The following TIAM2 variants were observed in gnomAD, a reference collection of about 807,000 sequenced individuals.
TIAM2 encodes the protein rho guanine nucleotide exchange factor TIAM2.
Under a neutral mutation model 152.9 loss-of-function variants are expected in TIAM2, and 80 were observed. The ratio of observed to expected loss-of-function variants is 0.52; its 90% CI spans 0.44 to 0.63. TIAM2 has a LOEUF of 0.63. TIAM2 is among the 30% of genes least tolerant of loss of function. TIAM2 has a pLI of 0.00. For missense variants in TIAM2, 1,965 were observed against 2,120.1 expected (o/e 0.93, Z 1.44); for synonymous variants, 804 against 838.0 (o/e 0.96, Z 0.70).
At position 155,257,268 on chromosome 6, in the gene TIAM2, T is replaced by C. The variant is rs1784119916; in HGVS notation, c.*147T>C. ...TTTTCCCACAAAATGGTTGTAAAGA[T>C]TTAAGTTATTTTAATTTATTGTGGA... On this transcript the variant is annotated 3_prime_UTR_variant, in exon 27 of 27. Transcript: ENST00000682666. 1.1e-6 allele frequency: 1 copy of C among 878,584 alleles called. No homozygotes were observed. The highest frequency in any genetic ancestry group is 1.7e-6 in the Non-Finnish European group (1 of 593,706). The allele number at this position is 878,584 out of a possible 1,614,324, so 54.4% of individuals were successfully genotyped here. A position where few individuals can be genotyped will look rare whatever the true frequency, so the allele number is the denominator to read the frequency against.
chr6:155,102,579 TATC>T (rs1487390383), intron 2 of TIAM2, among the ~76,000 whole-genome samples: 1 of 152,186 alleles, frequency 6.6e-6, no homozygotes, highest in Non-Finnish European at 1.5e-5. Flanking sequence ...TGCCCCATCT[TATC>T]ATTTTATATT....
chr6:155,231,030 TG>T (rs1187050410), intron 15 of TIAM2, among the ~76,000 whole-genome samples: 3 of 151,258 alleles, frequency 2.0e-5, no homozygotes, highest in African/African-American at 7.3e-5. Flanking sequence ...TTAGTAGAGA[TG>T]GGGTTTCACC....
At position 155,256,898 on chromosome 6, in the gene TIAM2, T is replaced by C. The variant is rs746865523; in HGVS notation, c.4883T>C (p.Val1628Ala). 22 of 1,614,102 alleles carry C rather than the reference T, an allele frequency of 1.4e-5. No individual in the cohort carries two copies. In the South Asian group the frequency reaches 1.6e-4, roughly 12 times the overall value. ...GQKGGEQPKL[V>A]RGHFCPIKRK... ...AAAGGAGGAGAGCAGCCCAAACTGG[T>C]CCGGGGGCACTTCTGCCCCATTAAA... The change falls in exon 27 of 27, where the codon GTC becomes GCC. Residue 1628 changes from valine to alanine, a missense_variant. Physicochemically the swap from Val to Ala is moderately conservative, Grantham distance 64. This residue lies in a region of TIAM2 where 935 missense variants were observed against 980.0 expected (regional missense o/e 0.95). Transcript: ENST00000682666.
intron 22 of TIAM2, 98 bp downstream of exon 22, chr6:155,251,119 G>A: frequency 9.7e-7 from 1 of 1,036,232 alleles, no homozygotes; most frequent in Non-Finnish European, 1.5e-6. Context: ...TGAGCTCCAG[G>A]AGTCAGAATT....
intron 2 of TIAM2, among the ~76,000 whole-genome samples, chr6:155,119,493 C>T (rs1022645366): frequency 7.2e-5 from 11 of 152,126 alleles, no homozygotes; most frequent in African/African-American, 2.7e-4. Flanking sequence ...GCATGAGCCA[C>T]TGTGACCGGC....
intron 1 of TIAM2, among the ~76,000 whole-genome samples, chr6:155,029,725 A>G (rs1192904009): frequency 2.1e-5 from 3 of 140,888 alleles, no homozygotes. Context: ...AGAGTTATAT[A>G]ACTATATAGT....
chr6:155,166,398 G>A (rs1196987568), intron 9 of TIAM2, among the ~76,000 whole-genome samples: 3 of 150,488 alleles, frequency 2.0e-5, no homozygotes, highest in East Asian at 1.9e-4. Context: ...ATCTTGGCTC[G>A]CCGCAACCTC....
intron 2 of TIAM2, among the ~76,000 whole-genome samples, chr6:155,110,318 C>CTTTTTTTTTTTTTT (rs67332964): frequency 9.0e-5 from 12 of 133,792 alleles, no homozygotes; most frequent in Admixed American, 3.3e-4. Context: ...TCTTTCTTTT[C>CTTTTTTTTTTTTTT]TTTTTTTTTT....
In TIAM2 at chr6:155,256,619, C is replaced by G. The variant is rs1221540600; in HGVS notation, c.4604C>G (p.Ala1535Gly). ...SGTQSSGCPTAEGRQDSKSTS... is the reference protein window; with the variant it reads ...SGTQSSGCPTGEGRQDSKSTS... Reference sequence around the variant, plus strand: ...ACCCAGAGCAGCGGCTGCCCCACGGCTGAGGGCAGGCAGGACTCCAAGAGC... The same window carrying G: ...ACCCAGAGCAGCGGCTGCCCCACGGGTGAGGGCAGGCAGGACTCCAAGAGC... The change falls in exon 27 of 27, where the codon GCT becomes GGT. Residue 1535 changes from alanine (A) to glycine (G), a missense_variant. Physicochemically the swap from Ala to Gly is moderately conservative, Grantham distance 60. Around this residue, in one of 3 missense-constraint regions of TIAM2, gnomAD observed 935 missense variants for 980.0 expected, o/e 0.95. Transcript: ENST00000682666. 1.2e-6 allele frequency: 2 copies of G among 1,614,154 alleles called. No individual in the cohort carries two copies. Among genetic ancestry groups the G allele is most frequent in the Admixed American group, 3.3e-5 (2 of 60,026 alleles).
intron 15 of TIAM2, among the ~76,000 whole-genome samples, chr6:155,237,090 C>T (rs574926086): frequency 4.6e-5 from 7 of 152,350 alleles, no homozygotes; most frequent in African/African-American, 1.7e-4. Context: ...AAATCAAAAG[C>T]AAGTTAGTTA....
At chr6:155,142,282 A>G (rs1168959384) in intron 5 of TIAM2, among the ~76,000 whole-genome samples, 1 of 151,458 alleles carries the variant, frequency 6.6e-6, no homozygotes, top group Non-Finnish European at 1.5e-5. Context: ...AATTCTGCCT[A>G]TTGTTTTACT....
chr6:155,185,404 G>A (rs1450952153), intron 14 of TIAM2, among the ~76,000 whole-genome samples: 2 of 151,826 alleles, frequency 1.3e-5, no homozygotes, highest in Non-Finnish European at 2.9e-5. Flanking sequence ...TGGGATTACA[G>A]GTGTAAGCAA....
At position 155,256,705 on chromosome 6, in the gene TIAM2, G is replaced by C. The variant is rs763548693; in HGVS notation, c.4690G>C (p.Glu1564Gln). 67 of 1,614,098 alleles carry C rather than the reference G, an allele frequency of 4.2e-5. No homozygotes were observed. Among genetic ancestry groups the C allele is most frequent in the Non-Finnish European group, 5.2e-5 (61 of 1,180,044 alleles). Residue 1564 changes from glutamate to glutamine, a missense_variant, in exon 27 of 27, where the codon GAG becomes CAG. Glu to Gln is a conservative substitution (Grantham distance 29, BLOSUM62 2). Transcript: ENST00000682666. ...LADFADNLIK[E>Q]SDILSDEDDD... ...AGATTTTGCCGACAATCTCATCAAA[G>C]AGAGTGACATCCTGAGCGATGAAGA...
chr6:155,025,955 A>C (rs1042125566), intron 1 of TIAM2, among the ~76,000 whole-genome samples: 1 of 151,918 alleles, frequency 6.6e-6, no homozygotes, highest in Admixed American at 6.6e-5. Flanking sequence ...CTCCTTGAGC[A>C]GTTGTGGGGT....
At chr6:155,067,793 C>CT (rs1777735098) in intron 1 of TIAM2, among the ~76,000 whole-genome samples, 1 of 152,096 alleles carries the variant, frequency 6.6e-6, no homozygotes, top group Non-Finnish European at 1.5e-5. Context: ...AGGTATGCAC[C>CT]ACCACGCCTG....
intron 2 of TIAM2, among the ~76,000 whole-genome samples, chr6:155,116,963 A>G (rs543609358): frequency 7.2e-5 from 11 of 151,882 alleles, no homozygotes; most frequent in Non-Finnish European, 1.2e-4. Context: ...CACGAAGTTT[A>G]TAGAGGCCAG....
rs1784108728 is a variant in TIAM2, at chr6:155,257,177, A to AAAG, written c.*57_*59dup. On this transcript the variant is annotated 3_prime_UTR_variant, in exon 27 of 27. Transcript: ENST00000682666. ...CTCATTTTACTTTTAAACTGGTGGTAAAGTGGAAATTGCAAAAAAAAAAAA... is the reference window on the plus strand; with the variant it reads ...CTCATTTTACTTTTAAACTGGTGGTAAAGAAGTGGAAATTGCAAAAAAAAAAAA... 7.2e-7 allele frequency: 1 copy of AAAG among 1,381,286 alleles called. No homozygotes were observed. The highest frequency in any genetic ancestry group is 1.5e-5 in the African/African-American group (1 of 64,892). 85.6% of individuals were successfully genotyped at this position (1,381,286 alleles called of 1,614,324 possible).
At chr6:155,074,132 A>G (rs1777902826) in intron 1 of TIAM2, among the ~76,000 whole-genome samples, 1 of 152,172 alleles carries the variant, frequency 6.6e-6, no homozygotes, top group South Asian at 2.1e-4. Context: ...TGCCTCAGCA[A>G]TACCTGATAT....
chr6:155,178,214 T>G (rs2115133330), intron 10 of TIAM2, among the ~76,000 whole-genome samples: 1 of 150,608 alleles, frequency 6.6e-6, no homozygotes, highest in South Asian at 2.1e-4. Context: ...TTTGACCCAG[T>G]TAGAGCATAG....
Sources: allele counts gnomAD v4.1 joint callset (sites outside exome capture counted in the v4.1 genomes callset), GRCh38; gene constraint gnomAD v4.1.1; regional missense constraint gnomAD v4.1.1; transcripts MANE v1.5; gene names NCBI Gene and HGNC (gene_info 2026-07-23, HGNC 2026-07-21).